ST6GALNAC3: variants seen among roughly 807,000 people sequenced by gnomAD.
The protein encoded by ST6GALNAC3 is alpha-N-acetylgalactosaminide alpha-2,6-sialyltransferase 3.
In ST6GALNAC3, 25 loss-of-function variants were observed where a neutral mutation model predicts 32.7. The ratio of observed to expected loss-of-function variants is 0.76; its 90% confidence interval spans 0.56 to 1.07. ST6GALNAC3 has a LOEUF of 1.07. ST6GALNAC3 is among the 50% of genes least tolerant of loss of function. The probability of loss-of-function intolerance (pLI) is 0.00; values close to 1 mark genes in which losing one functional copy is unlikely to be tolerated. For synonymous variants in ST6GALNAC3, 129 were observed against 133.1 expected (o/e 0.97, Z 0.21); for missense variants, 355 against 382.4 (o/e 0.93, Z 0.60).
intron 3 of ST6GALNAC3, among the ~76,000 whole-genome samples, chr1:76,478,824 T>G (rs1395640408): frequency 2.1e-5 from 3 of 144,676 alleles, no homozygotes; most frequent in African/African-American, 5.1e-5. Context: ...GTGCAGTGGC[T>G]CGATCTTGGC....
At chr1:76,446,647 C>CCAGT (rs779738238) in intron 3 of ST6GALNAC3, among the ~76,000 whole-genome samples, 23 of 152,020 alleles carry the variant, frequency 1.5e-4, no homozygotes, top group Non-Finnish European at 2.6e-4. Flanking sequence ...TGGGAGGGAC[C>CCAGT]CAGTGGGAGG....
chr1:76,184,519 GCACACACACACACACACACA>G lies in ST6GALNAC3; in HGVS notation c.18+109659_18+109678del, dbSNP rs71071992. On this transcript the variant is annotated intron_variant, in intron 1 of 4. Coordinates refer to ENST00000328299, the MANE Select transcript of ST6GALNAC3 (RefSeq NM_152996.4). ...GTGCCACTGCATTCCCTCCTGGGCA[GCACACACACACACACACACA>G]CACACACACACACACACACACACGA... Among the ~76,000 whole-genome samples, 454 of 134,176 alleles carry G rather than the reference GCACACACACACACACACACA, an allele frequency of 3.4e-3. 1 individual carries two copies. The highest frequency in any genetic ancestry group is 0.013 in the African/African-American group (444 of 34,800). 88.0% of individuals were successfully genotyped at this position (134,176 alleles called of 152,430 possible). A position where few individuals can be genotyped will look rare whatever the true frequency, so the allele number is the denominator to read the frequency against.
At chr1:76,479,613 T>C (rs1359593654) in intron 3 of ST6GALNAC3, among the ~76,000 whole-genome samples, 16 of 152,116 alleles carry the variant, frequency 1.1e-4, no homozygotes. Flanking sequence ...CTCATCCTTT[T>C]ATCAGAAACA....
chr1:76,335,494 C>A (rs960577341), intron 2 of ST6GALNAC3, among the ~76,000 whole-genome samples: 2 of 151,802 alleles, frequency 1.3e-5, no homozygotes, highest in Admixed American at 1.3e-4. Flanking sequence ...TTAGACACAC[C>A]AGTGAACCTC....
chr1:76,289,265 A>T (rs921057409), intron 1 of ST6GALNAC3, among the ~76,000 whole-genome samples: 1 of 152,096 alleles, frequency 6.6e-6, no homozygotes, highest in Non-Finnish European at 1.5e-5. Context: ...TTTTGGGCAC[A>T]TTTTCTCTGA....
intron 3 of ST6GALNAC3, among the ~76,000 whole-genome samples, chr1:76,457,844 A>G (rs1401666884): frequency 6.7e-6 from 1 of 150,320 alleles, no homozygotes; most frequent in Non-Finnish European, 1.5e-5. Flanking sequence ...CATGTCTAAA[A>G]CACCAAAAGC....
intron 1 of ST6GALNAC3, among the ~76,000 whole-genome samples, chr1:76,223,837 C>T (rs1224687755): frequency 6.6e-6 from 1 of 152,050 alleles, no homozygotes; most frequent in African/African-American, 2.4e-5. Flanking sequence ...TAAAATCTCT[C>T]TAGCTTTACT....
At chr1:76,159,045 C>A (rs1285617701) in intron 1 of ST6GALNAC3, among the ~76,000 whole-genome samples, 1 of 152,130 alleles carries the variant, frequency 6.6e-6, no homozygotes, top group Non-Finnish European at 1.5e-5. Context: ...GAGAGGGAGG[C>A]AGTTTCCCTT....
At chr1:76,275,631 G>A (rs887994701) in intron 1 of ST6GALNAC3, among the ~76,000 whole-genome samples, 1 of 151,952 alleles carries the variant, frequency 6.6e-6, no homozygotes, top group Non-Finnish European at 1.5e-5. Context: ...CTTTTTTTCT[G>A]TTTGCCTTCC....
intron 3 of ST6GALNAC3, among the ~76,000 whole-genome samples, chr1:76,609,107 T>G (rs2100659906): frequency 6.6e-6 from 1 of 152,328 alleles, no homozygotes; most frequent in East Asian, 1.9e-4. Flanking sequence ...TATTTGTTTT[T>G]AAATGTGTAT....
intron 1 of ST6GALNAC3, among the ~76,000 whole-genome samples, chr1:76,111,651 T>C (rs368655491): frequency 0.025 from 3,680 of 149,760 alleles, 112 homozygotes; most frequent in Admixed American, 0.072. Flanking sequence ...TTAACGAGCA[T>C]GCTGCCTTCA....
At chr1:76,510,956 A>C (rs1365044649) in intron 3 of ST6GALNAC3, among the ~76,000 whole-genome samples, 2 of 152,224 alleles carry the variant, frequency 1.3e-5, no homozygotes, top group South Asian at 2.1e-4. Flanking sequence ...AATTAAAAAA[A>C]CTGTAGGTCA....
intron 1 of ST6GALNAC3, among the ~76,000 whole-genome samples, chr1:76,097,236 A>G (rs1251573): frequency 0.35 from 53,345 of 151,992 alleles, 9,948 homozygotes; most frequent in South Asian, 0.43. Flanking sequence ...TGTTTTATGT[A>G]TGGCTTCTGA....
intron 2 of ST6GALNAC3, among the ~76,000 whole-genome samples, chr1:76,393,040 C>A (rs1408867): frequency 0.082 from 12,551 of 152,182 alleles, 1,339 homozygotes; most frequent in African/African-American, 0.25. Flanking sequence ...CATAATATCC[C>A]CAAACCCCTA....
At chr1:76,192,024 G>A (rs1653925763) in intron 1 of ST6GALNAC3, among the ~76,000 whole-genome samples, 1 of 152,106 alleles carries the variant, frequency 6.6e-6, no homozygotes, top group African/African-American at 2.4e-5. Context: ...GGGTAAGGGG[G>A]CCTGAGTTAT....
chr1:76,522,103 AC>A (rs1662579586), intron 3 of ST6GALNAC3, among the ~76,000 whole-genome samples: 2 of 146,938 alleles, frequency 1.4e-5, no homozygotes, highest in African/African-American at 2.5e-5. Context: ...AAAAAAAAAA[AC>A]ACCATTCTAA....
At chr1:76,203,054 C>T (rs557461328) in intron 1 of ST6GALNAC3, among the ~76,000 whole-genome samples, 91 of 152,066 alleles carry the variant, frequency 6.0e-4, no homozygotes, top group South Asian at 1.2e-3. Flanking sequence ...TGTTGGATTA[C>T]GGATTAAAAA....
intron 1 of ST6GALNAC3, among the ~76,000 whole-genome samples, chr1:76,172,786 G>A (rs1325649219): frequency 6.6e-6 from 1 of 152,130 alleles, no homozygotes; most frequent in African/African-American, 2.4e-5. Context: ...CAAGGGATGT[G>A]AAGACCTCTT....
At chr1:76,586,456 A>G (rs1287928307) in intron 3 of ST6GALNAC3, among the ~76,000 whole-genome samples, 1 of 152,156 alleles carries the variant, frequency 6.6e-6, no homozygotes. Context: ...AAAAAGAAAT[A>G]TTGTCTTGCT....
Sources: gnomAD v4.1 joint callset for allele counts (sites outside exome capture counted in the v4.1 genomes callset) on GRCh38, gnomAD v4.1.1 for gene constraint, MANE v1.5 for transcripts, NCBI Gene and HGNC (gene_info 2026-07-23, HGNC 2026-07-21) for gene names.